Variants in C6orf58 observed in about 807,000 individuals in gnomAD.
C6orf58 encodes chromosome 6 open reading frame 58, also known as protein LEG1 homolog.
C6orf58 carries 30 observed loss-of-function variants against 37.0 expected under a neutral mutation model. That is an observed-to-expected ratio of 0.81 (90% CI 0.61 to 1.10). The LOEUF (loss-of-function observed/expected upper bound fraction) is 1.10, where lower values mean the gene tolerates loss of function less well. Ranked by LOEUF, C6orf58 falls within the 50% of genes least tolerant of loss-of-function variation. The pLI, the probability that C6orf58 is intolerant of heterozygous loss-of-function variation, is 0.00. For missense variants in C6orf58, 368 were observed against 387.5 expected (o/e 0.95, Z 0.42); for synonymous variants, 143 against 134.1 (o/e 1.07, Z -0.46).
At chr6:127,581,034 C>T in intron 3 of C6orf58, 148 bp from the exon 4 acceptor site, 2 of 387,266 alleles carry the variant, frequency 5.2e-6, no homozygotes, top group East Asian at 3.8e-5. Flanking sequence ...GAGTGTTAGG[C>T]ATTAAGGCCA....
intron 4 of C6orf58, among the ~76,000 whole-genome samples, chr6:127,584,161 G>A (rs987352399): frequency 1.3e-5 from 2 of 152,038 alleles, no homozygotes; most frequent in East Asian, 1.9e-4. Context: ...TTGCCTTCTC[G>A]CATAGAAAAG....
chr6:127,578,296 G>A (rs949892617), intron 1 of C6orf58, among the ~76,000 whole-genome samples: 5 of 152,060 alleles, frequency 3.3e-5, no homozygotes, highest in African/African-American at 1.2e-4. Context: ...AGAAAACTAA[G>A]GCATTAGAGG....
intron 4 of C6orf58, among the ~76,000 whole-genome samples, chr6:127,586,419 G>C (rs928265847): frequency 2.0e-5 from 3 of 151,930 alleles, no homozygotes; most frequent in African/African-American, 7.3e-5. Context: ...GCCACCACTC[G>C]AGCTGAAGAG....
Position 127,590,276 on chromosome 6 carries a change from T to G in C6orf58, c.864T>G (p.Asn288Lys), listed in dbSNP as rs753420094. The G allele has an allele frequency of 6.2e-7, 1 of 1,613,218 alleles. No homozygotes were observed. The highest frequency in any genetic ancestry group is 8.5e-7 in the Non-Finnish European group (1 of 1,179,714). ...PFISDFTAFQNVVLVLLNMLD... is the reference protein window; with the variant it reads ...PFISDFTAFQKVVLVLLNMLD... Reference sequence around the variant, plus strand: ...TCAGTGACTTTACTGCTTTTCAGAATGTAGTCCTGGTTCTTCTAAATATGC... The same window carrying G: ...TCAGTGACTTTACTGCTTTTCAGAAGGTAGTCCTGGTTCTTCTAAATATGC... Residue 288 changes from asparagine to lysine, a missense_variant, in exon 5 of 6, where the codon AAT (asparagine) becomes AAG (lysine). Physicochemically the swap from Asn to Lys is moderately conservative, Grantham distance 94. Transcript: ENST00000329722.
At chr6:127,579,459 T>C (rs1775024876) in intron 2 of C6orf58, among the ~76,000 whole-genome samples, 1 of 152,074 alleles carries the variant, frequency 6.6e-6, no homozygotes, top group Non-Finnish European at 1.5e-5. Context: ...GACTCGCGAA[T>C]AGTAGTGGCC....
At chr6:127,582,849 A>G (rs566908414) in intron 4 of C6orf58, among the ~76,000 whole-genome samples, 37 of 152,292 alleles carry the variant, frequency 2.4e-4, no homozygotes, top group African/African-American at 8.7e-4. Flanking sequence ...GTAATTATTG[A>G]GACATGGATT....
In C6orf58 at chr6:127,590,192, T is replaced by A. The variant is rs202206885; in HGVS notation, c.780T>A (p.Tyr260Ter). 2 of 1,613,878 alleles carry A rather than the reference T, an allele frequency of 1.2e-6. No individual in the cohort carries two copies. The highest frequency in any genetic ancestry group is 1.3e-5 in the African/African-American group (1 of 75,034). The change falls in exon 5 of 6, where the codon TAT (tyrosine) becomes TAA (stop). Residue 260 changes from tyrosine to a stop codon, truncating the protein, a stop_gained. Coordinates refer to ENST00000329722, the MANE Select transcript of C6orf58 (RefSeq NM_001010905.3). LOFTEE classifies it high-confidence loss of function. ...TTCCTACAACCTTGATTAGATCATATAAGTTCCAGAAGGGCATGCCACCAC... is the reference window on the plus strand; with the variant it reads ...TTCCTACAACCTTGATTAGATCATAAAAGTTCCAGAAGGGCATGCCACCAC... The part of the protein sequence containing the change: ...VLFPTTLIRS[Y>*]KFQKGMPPRI...
In C6orf58 at chr6:127,577,427, A is replaced by G. The variant is rs746025881; in HGVS notation, c.242A>G (p.Asp81Gly). 1 of 1,613,700 alleles carries G rather than the reference A, an allele frequency of 6.2e-7. No homozygotes were observed. The highest frequency in any genetic ancestry group is 8.5e-7 in the Non-Finnish European group (1 of 1,179,682). Residue 81 changes from aspartate to glycine, a missense_variant, in exon 1 of 6, where the codon GAT (aspartate) becomes GGT (glycine). Coordinates refer to ENST00000329722, the MANE Select transcript of C6orf58 (RefSeq NM_001010905.3). ...AGGTATTTTGCAAAATTTGCACCAG[A>G]TAATGAACAGAATATTTTATGGGGG... The part of the protein sequence containing the change: ...TARYFAKFAP[D>G]NEQNILWGLP...
rs182703495 is a variant in C6orf58 at position 127,579,889 on chromosome 6, C to A, written c.389-376C>A. Reference sequence around the variant, plus strand: ...AATATTTTAGAGAAAAATACAAGTACAATTCACAATAAAACCGTAATGAGA... The same window carrying A: ...AATATTTTAGAGAAAAATACAAGTAAAATTCACAATAAAACCGTAATGAGA... On this transcript the variant is annotated intron_variant, in intron 2 of 5. Coordinates refer to ENST00000329722, the MANE Select transcript of C6orf58 (RefSeq NM_001010905.3). 2.0e-5 allele frequency among the ~76,000 whole-genome samples: 3 copies of A among 151,952 alleles called. No individual in the cohort carries two copies. The South Asian group carries it at 6.2e-4, about 32-fold the overall frequency.
At chr6:127,583,552 G>A (rs1458158259) in intron 4 of C6orf58, among the ~76,000 whole-genome samples, 5 of 152,112 alleles carry the variant, frequency 3.3e-5, no homozygotes, top group Non-Finnish European at 7.4e-5. Flanking sequence ...GGAGATCTCC[G>A]ATGGGTGTAC....
rs145237956 is a variant in C6orf58, at chr6:127,587,423, C to T, written c.675-2664C>T. Among the ~76,000 whole-genome samples the T allele has an allele frequency of 9.2e-3, 1,405 of 152,166 alleles. 13 individuals carry two copies. The highest frequency in any genetic ancestry group is 0.015 in the Non-Finnish European group (993 of 68,002). ...CTCACTGAAAGTTTAATAATAGTTC[C>T]TCAGGCAATTTGAATATTTTCAAAG... is the stretch of plus-strand genomic sequence containing the variant. On this transcript the variant is annotated intron_variant, in intron 4 of 5. Transcript: ENST00000329722.
intron 5 of C6orf58, 117 bp from the exon 6 acceptor site, chr6:127,591,426 A>T: frequency 1.1e-6 from 1 of 928,610 alleles, no homozygotes; most frequent in Non-Finnish European, 1.5e-6. Context: ...ATAATTTATG[A>T]TTTTACCATT....
At chr6:127,590,591 C>T (rs1775151642) in intron 5 of C6orf58, among the ~76,000 whole-genome samples, 2 of 151,954 alleles carry the variant, frequency 1.3e-5, no homozygotes, top group African/African-American at 4.8e-5. Context: ...AACTGAAACA[C>T]TTTTGTTTTG....
intron 3 of C6orf58, 123 bp downstream of exon 3, chr6:127,580,572 G>A (rs1472400703): frequency 3.0e-6 from 2 of 660,690 alleles, no homozygotes; most frequent in Non-Finnish European, 5.2e-6. Context: ...TGCTATGCAT[G>A]ATATATTAAT....
intron 3 of C6orf58, 67 bp from the exon 4 acceptor site, chr6:127,581,115 A>T: frequency 1.5e-6 from 1 of 681,380 alleles, no homozygotes; most frequent in Non-Finnish European, 2.3e-6. Flanking sequence ...TCTGAACATG[A>T]CTAAATTTCA....
At chr6:127,588,261 C>T (rs1231259644) in intron 4 of C6orf58, among the ~76,000 whole-genome samples, 8 of 152,154 alleles carry the variant, frequency 5.3e-5, no homozygotes, top group East Asian at 1.9e-4. Flanking sequence ...ATGTCAAAAT[C>T]GTTAATATTG....
chr6:127,583,171 C>T (rs1444573435), intron 4 of C6orf58, among the ~76,000 whole-genome samples: 1 of 152,144 alleles, frequency 6.6e-6, no homozygotes, highest in Non-Finnish European at 1.5e-5. Flanking sequence ...TAGATTTAAA[C>T]AGGCAATCTG....
At position 127,591,781 on chromosome 6, in the gene C6orf58, G is replaced by C. The variant is rs1775166511; in HGVS notation, c.*159G>C. On this transcript the variant is annotated 3_prime_UTR_variant, in exon 6 of 6. Coordinates refer to ENST00000329722, the MANE Select transcript of C6orf58 (RefSeq NM_001010905.3). ...GCTTATTTGTTAAGATCTTGTACATGTATTAAAAACTTAAATTAAATGCAT... is the reference window on the plus strand; with the variant it reads ...GCTTATTTGTTAAGATCTTGTACATCTATTAAAAACTTAAATTAAATGCAT... 5.2e-6 allele frequency: 3 copies of C among 580,958 alleles called. No homozygotes were observed. In the South Asian group the frequency reaches 2.5e-4, roughly 48 times the overall value. 36.0% of individuals were successfully genotyped at this position (580,958 alleles called of 1,614,324 possible).
chr6:127,583,378 T>G (rs1775069659), intron 4 of C6orf58, among the ~76,000 whole-genome samples: 1 of 152,166 alleles, frequency 6.6e-6, no homozygotes, highest in Non-Finnish European at 1.5e-5. Context: ...CACATTATAT[T>G]GCCATGTGTA....
Sources: gnomAD v4.1 joint callset for allele counts (sites outside exome capture counted in the v4.1 genomes callset) on GRCh38, gnomAD v4.1.1 for gene constraint, MANE v1.5 for transcripts, NCBI Gene and HGNC (gene_info 2026-07-23, HGNC 2026-07-21) for gene names.